The following TECPR2 variants were observed in gnomAD, a reference collection of about 807,000 sequenced individuals.
TECPR2 encodes the protein tectonin beta-propeller repeat containing 2.
Under a neutral mutation model 138.1 loss-of-function variants are expected in TECPR2, and 65 were observed. The ratio of observed to expected loss-of-function variants is 0.47; its 90% CI spans 0.39 to 0.58. The LOEUF (loss-of-function observed/expected upper bound fraction) is 0.58. TECPR2 is among the 20% of genes least tolerant of loss of function. The probability of loss-of-function intolerance (pLI) is 0.00; values close to 1 mark genes in which losing one functional copy is unlikely to be tolerated. For synonymous variants in TECPR2, 746 were observed against 749.8 expected, an observed-to-expected ratio of 0.99 and a Z score of 0.08; for missense variants, 1,553 against 1,824.5, an observed-to-expected ratio of 0.85 and a Z score of 2.71.
At position 102,497,123 on chromosome 14, in the gene TECPR2, A is replaced by G. The variant is rs201782248; in HGVS notation, c.3931+3A>G. On this transcript the variant is annotated splice_donor_region_variant and intron_variant, in intron 18 of 19. Coordinates refer to ENST00000359520, the MANE Select transcript of TECPR2 (RefSeq NM_014844.5). ...GACCGCCTGGGAGCATGTGCCAGGT[A>G]GGAGCCTGCAGACAGGGCCTGTGGT... 4 of 1,609,472 alleles carry G rather than the reference A, an allele frequency of 2.5e-6. No homozygotes were observed. In the Admixed American group the frequency reaches 6.7e-5, roughly 27 times the overall value.
chr14:102,384,761 A>C (rs951531211), intron 2 of TECPR2, among the ~76,000 whole-genome samples: 1 of 149,374 alleles, frequency 6.7e-6, no homozygotes, highest in African/African-American at 2.5e-5. Context: ...GTGTATATAT[A>C]TATATCTATA....
intron 2 of TECPR2, among the ~76,000 whole-genome samples, chr14:102,404,716 A>G (rs771480908): frequency 1.3e-4 from 19 of 151,686 alleles, no homozygotes; most frequent in Non-Finnish European, 2.6e-4. Context: ...AGCTGGGACT[A>G]CAGGCGTGTG....
chr14:102,381,841 G>A (rs538939411), intron 2 of TECPR2, among the ~76,000 whole-genome samples: 1 of 152,230 alleles, frequency 6.6e-6, no homozygotes, highest in African/African-American at 2.4e-5. Context: ...AAATATATTT[G>A]ACAGTTGAAA....
At chr14:102,377,735 C>T (rs1054941170) in intron 2 of TECPR2, among the ~76,000 whole-genome samples, 10 of 152,088 alleles carry the variant, frequency 6.6e-5, no homozygotes, top group African/African-American at 2.4e-4. Flanking sequence ...AAAAAGAGAA[C>T]ATTTTAGTAT....
chr14:102,448,270 C>T (rs1595131832), intron 13 of TECPR2, among the ~76,000 whole-genome samples: 1 of 152,166 alleles, frequency 6.6e-6, no homozygotes, highest in East Asian at 1.9e-4. Context: ...AGGAGTAGGG[C>T]ATTTATGCCA....
intron 17 of TECPR2, among the ~76,000 whole-genome samples, chr14:102,479,698 G>T (rs565531525): frequency 6.6e-6 from 1 of 152,344 alleles, no homozygotes; most frequent in East Asian, 1.9e-4. Context: ...TGGCGTCCCA[G>T]CCTGGGTCTG....
At chr14:102,400,723 CCTT>C (rs1340159734) in intron 2 of TECPR2, among the ~76,000 whole-genome samples, 1 of 152,056 alleles carries the variant, frequency 6.6e-6, no homozygotes, top group South Asian at 2.1e-4. Context: ...GGGACAAAAA[CCTT>C]AAGGCATATA....
In TECPR2 at chr14:102,421,495, C is replaced by G. The variant is rs775333936; in HGVS notation, c.639-3484C>G. On this transcript the variant is annotated intron_variant, in intron 5 of 19. Coordinates refer to ENST00000359520, the MANE Select transcript of TECPR2 (RefSeq NM_014844.5). ...AGTGAGATTCTGGTGTGCGAAGAAACCCCGCAAATAACTATCTGTTTGCCT... is the reference window on the plus strand; with the variant it reads ...AGTGAGATTCTGGTGTGCGAAGAAAGCCCGCAAATAACTATCTGTTTGCCT... 2.0e-5 allele frequency among the ~76,000 whole-genome samples: 3 copies of G among 152,170 alleles called. No homozygotes were observed. The South Asian group carries it at 6.2e-4, about 31-fold the overall frequency.
Position 102,442,122 on chromosome 14 carries a change from G to A in TECPR2, c.2752+1513G>A, listed in dbSNP as rs548949413. Among the ~76,000 whole-genome samples, 31 of 152,316 alleles carry A rather than the reference G, an allele frequency of 2.0e-4. 1 individual carries two copies. In the Middle Eastern group the frequency reaches 0.017, roughly 84 times the overall value. ...GCCTCCCGAGTAGCTGGGACTACAG[G>A]CACATGCCACCATGTCCAGCTCACT... On this transcript the variant is annotated intron_variant, in intron 11 of 19. Transcript: ENST00000359520.
chr14:102,460,485 A>G (rs1473300763), intron 16 of TECPR2, among the ~76,000 whole-genome samples: 1 of 150,778 alleles, frequency 6.6e-6, no homozygotes, highest in East Asian at 2.0e-4. Context: ...GTGGTGGCAC[A>G]TGTCTGTAAT....
chr14:102,499,188 G>A lies in TECPR2; in HGVS notation c.*931G>A, dbSNP rs755490381. 8 of 702,232 alleles carry A rather than the reference G, an allele frequency of 1.1e-5. No individual in the cohort carries two copies. The highest frequency in any genetic ancestry group is 2.3e-4 in the Middle Eastern group (1 of 4,390). The allele number at this position is 702,232 out of a possible 1,614,324, so 43.5% of individuals were successfully genotyped here. ...CCAGGTAGGGACGGCACAGGAGGGT[G>A]CATGGGGCGTGGGGGAGCTGAGCAA... On this transcript the variant is annotated 3_prime_UTR_variant, in exon 20 of 20. Transcript: ENST00000359520.
In TECPR2 at chr14:102,496,989, T is replaced by C. The variant is rs1891298513; in HGVS notation, c.3800T>C (p.Val1267Ala). Residue 1267 changes from valine to alanine, a missense_variant, in exon 18 of 20, where the codon GTC (valine) becomes GCC (alanine). Coordinates refer to ENST00000359520, the MANE Select transcript of TECPR2 (RefSeq NM_014844.5). ...MIEPPVQPAG[V>A]SLVSVHSSPN... Reference sequence around the variant, plus strand: ...CCTTCCCGCTTCCAGCCCGCCGGGGTCAGCTTGGTCAGCGTCCATTCCAGC... The same window carrying C: ...CCTTCCCGCTTCCAGCCCGCCGGGGCCAGCTTGGTCAGCGTCCATTCCAGC... The C allele has an allele frequency of 6.2e-7, 1 of 1,613,402 alleles. No homozygotes were observed. Among genetic ancestry groups the C allele is most frequent in the African/African-American group, 1.3e-5 (1 of 74,830 alleles).
chr14:102,455,308 C>T (rs978916088), intron 16 of TECPR2, among the ~76,000 whole-genome samples: 4 of 152,108 alleles, frequency 2.6e-5, no homozygotes, highest in South Asian at 2.1e-4. Flanking sequence ...CGGCTGACCC[C>T]GAAATGAATC....
intron 16 of TECPR2, among the ~76,000 whole-genome samples, chr14:102,463,416 C>CAAAA (rs550694466): frequency 1.8e-4 from 7 of 38,504 alleles, no homozygotes; most frequent in African/African-American, 3.3e-4. Context: ...GACTCCGTCT[C>CAAAA]AAAAAAAAAA....
intron 16 of TECPR2, among the ~76,000 whole-genome samples, chr14:102,461,275 C>T (rs1890404041): frequency 1.3e-5 from 2 of 152,120 alleles, no homozygotes; most frequent in South Asian, 4.1e-4. Context: ...GAATGTTTAG[C>T]AAACTAATGA....
chr14:102,477,629 C>G (rs186883350), intron 17 of TECPR2, among the ~76,000 whole-genome samples: 2,007 of 144,642 alleles, frequency 0.014, 20 homozygotes, highest in Middle Eastern at 0.024. Context: ...CGGCTCACTG[C>G]AAGCTCCGCC....
Position 102,498,938 on chromosome 14 carries a change from A to T in TECPR2, c.*681A>T. 1 of 689,664 alleles carries T rather than the reference A, an allele frequency of 1.4e-6. No individual in the cohort carries two copies. The highest frequency in any genetic ancestry group is 2.7e-6 in the Non-Finnish European group (1 of 377,358). 42.7% of individuals were successfully genotyped at this position (689,664 alleles called of 1,614,324 possible). The stretch of plus-strand genomic sequence containing the variant: ...ACCGCACTGCACCATACCTCACCAC[A>T]TCTCACCACACCACAGCACACCTCA... On this transcript the variant is annotated 3_prime_UTR_variant, in exon 20 of 20. Transcript: ENST00000359520.
chr14:102,441,126 G>C (rs1477988640), intron 11 of TECPR2, among the ~76,000 whole-genome samples: 1 of 152,088 alleles, frequency 6.6e-6, no homozygotes, highest in African/African-American at 2.4e-5. Flanking sequence ...ATGCAGTGGT[G>C]CCATCTTGAC....
chr14:102,445,375 C>T (rs139701851), intron 12 of TECPR2, among the ~76,000 whole-genome samples: 6,141 of 134,238 alleles, frequency 0.046, 153 homozygotes, highest in Middle Eastern at 0.11. Context: ...CTTGGATTGG[C>T]GGGGGAAGGA....
Sources: gnomAD v4.1 joint callset for allele counts (sites outside exome capture counted in the v4.1 genomes callset) on GRCh38, gnomAD v4.1.1 for gene constraint, MANE v1.5 for transcripts, NCBI Gene and HGNC (gene_info 2026-07-23, HGNC 2026-07-21) for gene names.